The following GALC variants were observed in gnomAD, a reference collection of about 807,000 sequenced individuals.
The protein encoded by GALC is galactosylceramidase, also known as galactocerebrosidase.
A neutral mutation model predicts 91.8 loss-of-function variants in GALC; 77 were observed. The observed-to-expected ratio is 0.84, with a 90% CI of 0.70 to 1.01. The LOEUF (loss-of-function observed/expected upper bound fraction) is 1.01. GALC is among the 50% of genes least tolerant of loss of function. GALC has a pLI of 0.00. For missense variants in GALC, 882 were observed against 855.9 expected (o/e 1.03, Z -0.38); for synonymous variants, 357 against 306.7 (o/e 1.16, Z -1.71).
chr14:87,964,507 T>C (rs1481253992), intron 9 of GALC, among the ~76,000 whole-genome samples: 1 of 152,164 alleles, frequency 6.6e-6, no homozygotes, highest in Non-Finnish European at 1.5e-5. Flanking sequence ...CAGCAATAGA[T>C]TTTGTTACTT....
At position 87,934,804 on chromosome 14, in the gene GALC, G is replaced by T. The variant is rs1884499754; in HGVS notation, c.1986C>A (p.Gly662=). The change falls in exon 17 of 17, where the codon GGC becomes GGA. Residue 662 remains glycine, a synonymous_variant. Coordinates refer to ENST00000261304, the MANE Select transcript of GALC (RefSeq NM_000153.4). ...TDIPVNFPKN[G]WAAIGTHSFE... Reference sequence around the variant, plus strand: ...AGGAGTGAGTTCCAATTGCAGCCCAGCCATTCTTTGGAAAATTCACAGGGA... The same window carrying T: ...AGGAGTGAGTTCCAATTGCAGCCCATCCATTCTTTGGAAAATTCACAGGGA... 6.2e-7 allele frequency: 1 copy of T among 1,612,966 alleles called. No individual in the cohort carries two copies. Among genetic ancestry groups the T allele is most frequent in the African/African-American group, 1.3e-5 (1 of 74,858 alleles).
chr14:87,982,070 C>T (rs2139743202), intron 6 of GALC, 135 bp downstream of exon 6: 1 of 515,546 alleles, frequency 1.9e-6, no homozygotes, highest in East Asian at 3.2e-5. Flanking sequence ...TATGTCACAA[C>T]CAGCAAAATA....
Position 87,968,495 on chromosome 14 carries a change from A to G in GALC, c.753-5T>C, listed in dbSNP as rs745331282. 15 of 1,602,502 alleles carry G rather than the reference A, an allele frequency of 9.4e-6. No individual in the cohort carries two copies. In the Admixed American group the frequency reaches 1.2e-4, roughly 13 times the overall value. ...TGGGTTCCAGGATAATGAGCCCTAG[A>G]AAAAAAAAGGGTGGAAGTCAATGAA... is the stretch of plus-strand genomic sequence containing the variant. On this transcript the variant is annotated splice_polypyrimidine_tract_variant and splice_region_variant and intron_variant, in intron 7 of 16. Transcript: ENST00000261304.
chr14:87,945,182 C>G (rs546505083), intron 14 of GALC, among the ~76,000 whole-genome samples: 3 of 151,978 alleles, frequency 2.0e-5, no homozygotes, highest in Admixed American at 6.5e-5. Context: ...CACTAGATGG[C>G]AACACCAGAT....
At chr14:87,949,812 T>C (rs1885228427) in intron 12 of GALC, 33 bp downstream of exon 12, 3 of 1,051,858 alleles carry the variant, frequency 2.9e-6, no homozygotes, top group East Asian at 2.4e-5. Context: ...ACTGTTGGAA[T>C]ACCCAAAATA....
intron 7 of GALC, among the ~76,000 whole-genome samples, chr14:87,972,431 T>A (rs1333614325): frequency 6.6e-6 from 1 of 152,178 alleles, no homozygotes; most frequent in Non-Finnish European, 1.5e-5. Flanking sequence ...AGAGGAGATA[T>A]CAGTAACCAA....
intron 15 of GALC, among the ~76,000 whole-genome samples, chr14:87,941,010 A>T (rs1479049583): frequency 6.6e-6 from 1 of 151,902 alleles, no homozygotes; most frequent in Admixed American, 6.6e-5. Flanking sequence ...TCCCCTCCTT[A>T]TATTTCTATA....
intron 10 of GALC, among the ~76,000 whole-genome samples, chr14:87,955,601 A>G (rs899842654): frequency 6.6e-6 from 1 of 152,132 alleles, no homozygotes; most frequent in African/African-American, 2.4e-5. Context: ...TCAATGTGAA[A>G]TCATTTCCTT....
intron 10 of GALC, among the ~76,000 whole-genome samples, chr14:87,959,079 A>T (rs766693497): frequency 2.0e-5 from 3 of 152,204 alleles, no homozygotes; most frequent in African/African-American, 7.2e-5. Flanking sequence ...CAAATTATAC[A>T]TGAGACAAGG....
chr14:87,955,559 C>T (rs1885497551), intron 10 of GALC, among the ~76,000 whole-genome samples: 2 of 121,112 alleles, frequency 1.7e-5, no homozygotes. Flanking sequence ...GAAACTGCTG[C>T]AGTGCTTTTA....
Position 87,954,558 on chromosome 14 carries a change from A to T in GALC, c.1162-3810T>A, listed in dbSNP as rs537890123. ...TCCTGTGAGTGCTTGTTTGATGATGATGTAAGGGCAATTACATTTAAAGCA... is the reference window on the plus strand; with the variant it reads ...TCCTGTGAGTGCTTGTTTGATGATGTTGTAAGGGCAATTACATTTAAAGCA... On this transcript the variant is annotated intron_variant, in intron 10 of 16. Coordinates refer to ENST00000261304, the MANE Select transcript of GALC (RefSeq NM_000153.4). 355 of 1,562,424 alleles carry T rather than the reference A, an allele frequency of 2.3e-4. 2 individuals are homozygous for T. The African/African-American group carries it at 4.5e-3, about 20-fold the overall frequency.
At position 87,933,068 on chromosome 14, in the gene GALC, A is replaced by C. The variant is rs141332294; in HGVS notation, c.*1664T>G. Reference sequence around the variant, plus strand: ...ATCAGAAACTGGTGGGGAGGAAACAAATTGTGGTATATTCATACAATGGAA... The same window carrying C: ...ATCAGAAACTGGTGGGGAGGAAACACATTGTGGTATATTCATACAATGGAA... On this transcript the variant is annotated 3_prime_UTR_variant, in exon 17 of 17. Transcript: ENST00000261304. 1 of 152,284 alleles carries C rather than the reference A, an allele frequency of 6.6e-6. No homozygotes were observed. The highest frequency in any genetic ancestry group is 2.4e-5 in the African/African-American group (1 of 41,568). The allele number at this position is 152,284 out of a possible 1,614,324, so 9.4% of individuals were successfully genotyped here. A position where few individuals can be genotyped will look rare whatever the true frequency, so the allele number is the denominator to read the frequency against.
intron 7 of GALC, among the ~76,000 whole-genome samples, chr14:87,970,140 C>T (rs1886225114): frequency 6.6e-6 from 1 of 152,118 alleles, no homozygotes; most frequent in South Asian, 2.1e-4. Context: ...CAACTCCATT[C>T]TATTTCCATG....
intron 7 of GALC, among the ~76,000 whole-genome samples, chr14:87,975,289 A>G (rs1242543435): frequency 6.6e-6 from 1 of 152,154 alleles, no homozygotes; most frequent in African/African-American, 2.4e-5. Flanking sequence ...AAAGAAAGAA[A>G]AAGAGCAAGA....
intron 16 of GALC, 142 bp from the exon 17 acceptor site, chr14:87,935,020 C>A (rs1884510094): frequency 1.5e-6 from 1 of 647,946 alleles, no homozygotes; most frequent in Non-Finnish European, 2.7e-6. Flanking sequence ...CACAATTCCA[C>A]AAGTTTGAGC....
At position 87,953,115 on chromosome 14, in the gene GALC, T is replaced by C. The variant is rs1471931961; in HGVS notation, c.1162-2367A>G. On this transcript the variant is annotated intron_variant, in intron 10 of 16. Transcript: ENST00000261304. The stretch of plus-strand genomic sequence containing the variant: ...ATATCATGAAATACAAAACCAGTGT[T>C]TGGGATTATTTTCCTTGAACACAGT... 2.7e-6 allele frequency: 4 copies of C among 1,497,494 alleles called. No individual in the cohort carries two copies. The African/African-American group carries it at 5.5e-5, about 21-fold the overall frequency. 92.8% of individuals were successfully genotyped at this position (1,497,494 alleles called of 1,614,324 possible).
At chr14:87,956,447 A>C (rs1402886629) in intron 10 of GALC, among the ~76,000 whole-genome samples, 4 of 151,916 alleles carry the variant, frequency 2.6e-5, no homozygotes, top group African/African-American at 9.7e-5. Context: ...AACACACACA[A>C]AAAATGAGAC....
chr14:87,943,748 A>C (rs1446520995), intron 14 of GALC, among the ~76,000 whole-genome samples: 1 of 152,006 alleles, frequency 6.6e-6, no homozygotes, highest in Non-Finnish European at 1.5e-5. Flanking sequence ...TCCTTTTCCC[A>C]CAATAAGTGG....
chr14:87,957,027 AT>A (rs897021528), intron 10 of GALC, among the ~76,000 whole-genome samples: 41 of 151,540 alleles, frequency 2.7e-4, no homozygotes, highest in Admixed American at 2.0e-3. Flanking sequence ...GATGTTGAGC[AT>A]TTTTTTTAAC....
Sources: allele counts gnomAD v4.1 joint callset (sites outside exome capture counted in the v4.1 genomes callset), GRCh38; gene constraint gnomAD v4.1.1; transcripts MANE v1.5; gene names NCBI Gene and HGNC (gene_info 2026-07-23, HGNC 2026-07-21).